CROCC: variants seen among roughly 807,000 people sequenced by gnomAD.
CROCC encodes the protein ciliary rootlet coiled-coil, rootletin, also known as rootletin.
In CROCC, 180 loss-of-function variants were observed where a neutral mutation model predicts 245.2. The observed-to-expected ratio is 0.73, with a 90% CI of 0.65 to 0.83. The LOEUF (loss-of-function observed/expected upper bound fraction) is 0.83, where lower values mean the gene tolerates loss of function less well. CROCC is among the 40% of genes least tolerant of loss of function. The pLI is 0.00. For missense variants in CROCC, 2,688 were observed against 2,779.4 expected, an observed-to-expected ratio of 0.97 and a Z score of 0.74; for synonymous variants, 1,205 against 1,241.6, an observed-to-expected ratio of 0.97 and a Z score of 0.62.
rs377537239 is a variant in CROCC, at chr1:16,957,253, A to T, written c.3864+1097A>T. ...GAGAACCAGTCTCTACAAAAAATTT[A>T]AAAAATAGCTAGGTGTGGTGACACG... On this transcript the variant is annotated intron_variant, in intron 25 of 36. Transcript: ENST00000375541. Among the ~76,000 whole-genome samples the T allele has an allele frequency of 1.9e-3, 288 of 152,170 alleles. 4 individuals are homozygous for T. The highest frequency in any genetic ancestry group is 6.6e-3 in the African/African-American group (275 of 41,512).
chr1:16,966,186 G>T lies in CROCC; in HGVS notation c.4696+67G>T. On this transcript the variant is annotated intron_variant, in intron 29 of 36. Transcript: ENST00000375541. This position sits in a 1 kb window ranked among gnomAD's most constrained non-coding sequence, Gnocchi z 4.8. ...TTGGGCAGTTGAGGCAGGAGCCGGGGGATTGGCCTCTGACCTTGCCGTGGC... is the reference window on the plus strand; with the variant it reads ...TTGGGCAGTTGAGGCAGGAGCCGGGTGATTGGCCTCTGACCTTGCCGTGGC... 2 of 1,555,546 alleles carry T rather than the reference G, an allele frequency of 1.3e-6. No homozygotes were observed. Among genetic ancestry groups the T allele is most frequent in the Non-Finnish European group, 1.7e-6 (2 of 1,146,268 alleles).
chr1:16,949,110 CA>C (rs1442736015), intron 19 of CROCC, among the ~76,000 whole-genome samples, 184 bp downstream of exon 19: 1 of 152,290 alleles, frequency 6.6e-6, no homozygotes, highest in African/African-American at 2.4e-5. Flanking sequence ...CTCTGGGCTG[CA>C]GATTCCTCAG....
intron 20 of CROCC, 24 bp downstream of exon 20, chr1:16,951,146 G>A: frequency 2.7e-6 from 4 of 1,465,800 alleles, no homozygotes; most frequent in Non-Finnish European, 2.7e-6. Flanking sequence ...GGGAGGGGTG[G>A]GCAGGACTCT....
At chr1:16,930,083 G>T in intron 4 of CROCC, 41 bp from the exon 5 acceptor site, 3 of 1,573,046 alleles carry the variant, frequency 1.9e-6, no homozygotes, top group Non-Finnish European at 2.6e-6. Context: ...ACTTTGCCCC[G>T]CCCCAACCCC....
upstream of CROCC, among the ~76,000 whole-genome samples, chr1:16,921,215 ACTGAGTCT>A (rs1405046406): frequency 6.6e-6 from 1 of 152,254 alleles, no homozygotes; most frequent in Non-Finnish European, 1.5e-5. Context: ...GTAAGAGGAC[ACTGAGTCT>A]CAGAGAGGCA....
Position 16,930,048 on chromosome 1 carries a change from C to T in CROCC, c.537+17C>T, listed in dbSNP as rs1437733705. On this transcript the variant is annotated intron_variant, in intron 4 of 36. Transcript: ENST00000375541. ...CAGGGCAAGGTCAGGACCACCCACT[C>T]CTGCTCCTGTCCTCCCACCTGTTCA... The T allele has an allele frequency of 7.0e-6, 11 of 1,567,250 alleles. No homozygotes were observed. Among genetic ancestry groups the T allele is most frequent in the Non-Finnish European group, 9.5e-6 (11 of 1,159,514 alleles).
chr1:16,921,818 C>T, upstream of CROCC: 2 of 585,386 alleles, frequency 3.4e-6, no homozygotes, highest in South Asian at 2.2e-5. Flanking sequence ...CTGCTTCCCT[C>T]CTCTCCTGTC....
At chr1:16,917,049 C>T (rs1338908453), upstream of CROCC, among the ~76,000 whole-genome samples, 8 of 152,252 alleles carry the variant, frequency 5.3e-5, no homozygotes, top group Non-Finnish European at 1.0e-4. Context: ...GCCCAGGAGG[C>T]GGAGGTTGCA....
Position 16,961,091 on chromosome 1 carries a change from C to G in CROCC, c.4366C>G (p.Pro1456Ala). ...TCGCGCGCCCAGCCCAGCCCCGCGG[C>G]CAGTGCCCGGTTCCCCTGCCCGGGA... ...LGRAPSPAPR[P>A]VPGSPARDAP... is the part of the protein sequence containing the mutation. The change falls in exon 27 of 37, where the codon CCA (proline) becomes GCA (alanine). Residue 1456 changes from proline to alanine, a missense_variant. By Grantham distance (27) the Pro-to-Ala change is conservative. Around this residue, in one of 9 missense-constraint regions of CROCC, gnomAD observed 1,218 missense variants for 1,286.3 expected, o/e 0.95. Coordinates refer to ENST00000375541, the MANE Select transcript of CROCC (RefSeq NM_014675.5). 2.9e-6 allele frequency: 4 copies of G among 1,364,570 alleles called. No individual in the cohort carries two copies. The highest frequency in any genetic ancestry group is 3.8e-6 in the Non-Finnish European group (4 of 1,062,128). The allele number at this position is 1,364,570 out of a possible 1,614,324, so 84.5% of individuals were successfully genotyped here.
intron 8 of CROCC, among the ~76,000 whole-genome samples, chr1:16,936,019 G>C (rs2075780041): frequency 7.4e-6 from 1 of 134,368 alleles, no homozygotes; most frequent in Non-Finnish European, 1.6e-5. Flanking sequence ...AGTAGGGGAG[G>C]GCCTGTTACC....
chr1:16,936,890 T>G lies in CROCC; in HGVS notation c.1193+17T>G. The G allele has an allele frequency of 1.3e-6, 2 of 1,599,542 alleles. No individual in the cohort carries two copies. The highest frequency in any genetic ancestry group is 1.7e-6 in the Non-Finnish European group (2 of 1,169,896). ...CAGTGCCAGGTGGGTACCTGGTGGA[T>G]GCCGCACGAGGCAGGCGTCCCTGCA... On this transcript the variant is annotated intron_variant, in intron 9 of 36. Coordinates refer to ENST00000375541, the MANE Select transcript of CROCC (RefSeq NM_014675.5).
At chr1:16,953,000 G>C in intron 20 of CROCC, 1 of 361,552 alleles carries the variant, frequency 2.8e-6, no homozygotes, top group Non-Finnish European at 5.2e-6. Flanking sequence ...CATCCTCTAG[G>C]CCTTTCCAGG....
rs1163799583 is a variant in CROCC, at chr1:16,945,561, C to T, written c.2091C>T (p.Asp697=). The change falls in exon 15 of 37, where the codon GAC becomes GAT. Residue 697 remains aspartate, a synonymous_variant. Transcript: ENST00000375541. Reference sequence around the variant, plus strand: ...TGAGCCGCGCCACACTGCAACGGGACATGCTGCAGGCCGAGAAGGCCGAGG... The same window carrying T: ...TGAGCCGCGCCACACTGCAACGGGATATGCTGCAGGCCGAGAAGGCCGAGG... The part of the protein sequence containing the change: ...EALSRATLQR[D]MLQAEKAEVA... 1.3e-5 allele frequency: 21 copies of T among 1,612,400 alleles called. No homozygotes were observed. The highest frequency in any genetic ancestry group is 2.7e-5 in the African/African-American group (2 of 74,922).
intron 17 of CROCC, 42 bp downstream of exon 17, chr1:16,947,033 G>C: frequency 1.3e-6 from 2 of 1,493,708 alleles, no homozygotes; most frequent in Non-Finnish European, 1.8e-6. Flanking sequence ...AGAGCATGTG[G>C]GGCAGGCCGG....
In CROCC at chr1:16,971,504, C is replaced by G; in HGVS notation, c.5824C>G (p.Gln1942Glu). 6.5e-7 allele frequency: 1 copy of G among 1,537,182 alleles called. No homozygotes were observed. Among genetic ancestry groups the G allele is most frequent in the East Asian group, 2.4e-5 (1 of 40,922 alleles). Residue 1942 changes from glutamine (Q) to glutamate (E), a missense_variant, in exon 36 of 37, where the codon CAG becomes GAG. Transcript: ENST00000375541. ...GCTGGAGCAGAGCCACAGCCCGGCCCAGCTGGAGGTGGATGCGCAGCAGCA... is the reference window on the plus strand; with the variant it reads ...GCTGGAGCAGAGCCACAGCCCGGCCGAGCTGGAGGTGGATGCGCAGCAGCA... The part of the protein sequence containing the change: ...VVLEQSHSPA[Q>E]LEVDAQQQQL...
rs2076537343 is a variant in CROCC at position 16,972,432 on chromosome 1, C to A, written c.6040C>A (p.Pro2014Thr). Residue 2014 changes from proline to threonine, a missense_variant, in exon 37 of 37, where the codon CCC (proline) becomes ACC (threonine). By Grantham distance (38) the Pro-to-Thr change is conservative. This residue lies in a region of CROCC where 1,218 missense variants were observed against 1,286.3 expected (regional missense o/e 0.95). Transcript: ENST00000375541. ...SSAPFSPPSG[P>T]PEK is the part of the protein sequence containing the mutation. ...AGCACCCTTCTCCCCACCCTCCGGC[C>A]CCCCAGAGAAATGAGCTCCTGCTGG... 1 of 1,612,824 alleles carries A rather than the reference C, an allele frequency of 6.2e-7. No individual in the cohort carries two copies. The highest frequency in any genetic ancestry group is 8.5e-7 in the Non-Finnish European group (1 of 1,179,344).
Position 16,960,864 on chromosome 1 carries a change from A to T in CROCC, c.4139A>T (p.Gln1380Leu). The stretch of plus-strand genomic sequence containing the variant: ...GAGGCGCGTGGCACTGAAAAGCAGC[A>T]GCTGGACCACGCCCGCGGCCTGGAG... ...LEEARGTEKQ[Q>L]LDHARGLELK... The change falls in exon 27 of 37, where the codon CAG (glutamine) becomes CTG (leucine). Residue 1380 changes from glutamine (Q) to leucine (L), a missense_variant. Around this residue, in one of 9 missense-constraint regions of CROCC, gnomAD observed 1,218 missense variants for 1,286.3 expected, o/e 0.95. Coordinates refer to ENST00000375541, the MANE Select transcript of CROCC (RefSeq NM_014675.5). 7 of 1,517,610 alleles carry T rather than the reference A, an allele frequency of 4.6e-6. No individual in the cohort carries two copies. Among genetic ancestry groups the T allele is most frequent in the Non-Finnish European group, 6.1e-6 (7 of 1,139,292 alleles). The allele number at this position is 1,517,610 out of a possible 1,614,324, so 94.0% of individuals were successfully genotyped here. A position where few individuals can be genotyped will look rare whatever the true frequency, so the allele number is the denominator to read the frequency against.
At chr1:16,950,210 C>T (rs2076136044) in intron 19 of CROCC, among the ~76,000 whole-genome samples, 2 of 150,504 alleles carry the variant, frequency 1.3e-5, no homozygotes, top group African/African-American at 4.9e-5. Context: ...ACTACATATG[C>T]CCGCCACCAT....
Position 16,948,451 on chromosome 1 carries a change from G to A in CROCC, c.2635G>A (p.Ala879Thr), listed in dbSNP as rs373566613. ...GAAGGAGGCGCTAGCCAAGGAGCACGCTGGCCTGGCTGTGCAGCTGGTGGC... is the reference window on the plus strand; with the variant it reads ...GAAGGAGGCGCTAGCCAAGGAGCACACTGGCCTGGCTGTGCAGCTGGTGGC... ...REKEALAKEH[A>T]GLAVQLVAAE... The change falls in exon 18 of 37, where the codon GCT (alanine) becomes ACT (threonine). Residue 879 changes from alanine to threonine, a missense_variant. By Grantham distance (58) the Ala-to-Thr change is moderately conservative (BLOSUM62 0). Transcript: ENST00000375541. 472 of 1,561,182 alleles carry A rather than the reference G, an allele frequency of 3.0e-4. No individual in the cohort carries two copies. Among genetic ancestry groups the A allele is most frequent in the Non-Finnish European group, 4.0e-4 (458 of 1,154,484 alleles).
Sources: allele counts gnomAD v4.1 joint callset (sites outside exome capture counted in the v4.1 genomes callset), GRCh38; gene constraint gnomAD v4.1.1; regional missense constraint gnomAD v4.1.1; non-coding constraint Gnocchi (gnomAD v3.1); transcripts MANE v1.5; gene names NCBI Gene and HGNC (gene_info 2026-07-23, HGNC 2026-07-21).